The following SRPK2 variants were observed in gnomAD, a reference collection of about 807,000 sequenced individuals.
The protein encoded by SRPK2 is SRSF protein kinase 2, also known as SFRS protein kinase 2.
A neutral mutation model predicts 90.8 loss-of-function variants in SRPK2; 21 were observed. That is an observed-to-expected ratio of 0.23 (90% CI 0.16 to 0.33). SRPK2 has a LOEUF of 0.33. SRPK2 is among the 10% of genes least tolerant of loss of function. The pLI, the probability that SRPK2 is intolerant of heterozygous loss-of-function variation, is 1.00. For missense variants in SRPK2, 620 were observed against 869.0 expected (o/e 0.71, Z 3.60); for synonymous variants, 288 against 311.1 (o/e 0.93, Z 0.78).
At chr7:105,188,787 C>G (rs1025209169) in intron 3 of SRPK2, among the ~76,000 whole-genome samples, 4 of 152,180 alleles carry the variant, frequency 2.6e-5, no homozygotes, top group African/African-American at 9.7e-5. Flanking sequence ...AGATATTACT[C>G]GTAACAGGTT....
At chr7:105,152,633 C>T (rs917854044) in intron 7 of SRPK2, among the ~76,000 whole-genome samples, 5 of 152,252 alleles carry the variant, frequency 3.3e-5, no homozygotes, top group Non-Finnish European at 2.9e-5. Context: ...TGTTTCATCC[C>T]CATGGATAGA....
Position 105,117,577 on chromosome 7 carries a change from CAAG to C in SRPK2, c.*258_*260del, listed in dbSNP as rs1799751521. On this transcript the variant is annotated 3_prime_UTR_variant, in exon 16 of 16. Coordinates refer to ENST00000393651, the MANE Select transcript of SRPK2 (RefSeq NM_182692.3). ...AATGACATTTGAATGTCACACAACA[CAAG>C]AAACAATGCTTAGAGACATGTTATT... is the stretch of plus-strand genomic sequence containing the variant. 4.3e-6 allele frequency: 2 copies of C among 461,494 alleles called. No homozygotes were observed. Among genetic ancestry groups the C allele is most frequent in the Admixed American group, 8.2e-5 (2 of 24,244 alleles). 28.6% of individuals were successfully genotyped at this position (461,494 alleles called of 1,614,324 possible). A position where few individuals can be genotyped will look rare whatever the true frequency, so the allele number is the denominator to read the frequency against.
chr7:105,269,333 T>C (rs1805518201), intron 2 of SRPK2, among the ~76,000 whole-genome samples: 1 of 152,184 alleles, frequency 6.6e-6, no homozygotes, highest in South Asian at 2.1e-4. Context: ...TGAATCATTT[T>C]TGTCACTTAA....
chr7:105,181,325 T>G (rs1008136736), intron 3 of SRPK2, among the ~76,000 whole-genome samples: 3 of 152,196 alleles, frequency 2.0e-5, no homozygotes, highest in African/African-American at 7.2e-5. Flanking sequence ...TCAAGGAAAT[T>G]TAAACAGAGT....
intron 7 of SRPK2, among the ~76,000 whole-genome samples, chr7:105,151,792 G>C (rs2129579061): frequency 6.6e-6 from 1 of 152,256 alleles, no homozygotes; most frequent in Middle Eastern, 3.4e-3. Flanking sequence ...GGGAGGTCAA[G>C]GCAGGTGGAT....
At chr7:105,341,859 C>T (rs1274757645) in intron 2 of SRPK2, among the ~76,000 whole-genome samples, 1 of 152,036 alleles carries the variant, frequency 6.6e-6, no homozygotes. Flanking sequence ...CCCAGCTACT[C>T]GGAACGCTGA....
chr7:105,297,887 A>G (rs963917676), intron 2 of SRPK2, among the ~76,000 whole-genome samples: 1 of 152,026 alleles, frequency 6.6e-6, no homozygotes, highest in African/African-American at 2.4e-5. Flanking sequence ...AATTACAGGC[A>G]TGCGCCACTA....
intron 3 of SRPK2, among the ~76,000 whole-genome samples, chr7:105,194,999 C>A (rs758212491): frequency 6.6e-6 from 1 of 152,190 alleles, no homozygotes; most frequent in Non-Finnish European, 1.5e-5. Context: ...TCAGGCCTAC[C>A]ACATACTGCT....
chr7:105,360,342 A>C (rs1214974442), intron 2 of SRPK2, among the ~76,000 whole-genome samples: 1 of 152,176 alleles, frequency 6.6e-6, no homozygotes, highest in Non-Finnish European at 1.5e-5. Context: ...CCAATTTGCC[A>C]GTCTGTGTCT....
At position 105,240,326 on chromosome 7, in the gene SRPK2, G is replaced by T. The variant is rs1265864875; in HGVS notation, c.72-36541C>A. ...CACCTCCTAATACCATCACATTGGG[G>T]GTTAGGAATTCAATATATGAATTTT... On this transcript the variant is annotated intron_variant, in intron 2 of 15. Transcript: ENST00000393651. 8.7e-4 allele frequency among the ~76,000 whole-genome samples: 133 copies of T among 152,108 alleles called. 1 individual carries two copies. Among genetic ancestry groups the T allele is most frequent in the Admixed American group, 8.7e-3 (133 of 15,278 alleles).
chr7:105,345,143 G>A (rs927296359), intron 2 of SRPK2, among the ~76,000 whole-genome samples: 2 of 145,812 alleles, frequency 1.4e-5, no homozygotes, highest in African/African-American at 5.0e-5. Context: ...TCAAGGACAG[G>A]AGAGGAGGGG....
chr7:105,328,417 G>A (rs577709457), intron 2 of SRPK2, among the ~76,000 whole-genome samples: 1 of 151,560 alleles, frequency 6.6e-6, no homozygotes, highest in East Asian at 2.0e-4. Context: ...CAAAAAATTA[G>A]CCAGGTGTGG....
intron 9 of SRPK2, chr7:105,143,714 A>C (rs1445482452): frequency 4.9e-6 from 1 of 203,628 alleles, no homozygotes; most frequent in Non-Finnish European, 1.0e-5. Context: ...CCTCAATGCC[A>C]AAAATGAAAC....
chr7:105,356,767 CAAAATTTTCAAAACCTTGGGTT>C (rs910544609), intron 2 of SRPK2, among the ~76,000 whole-genome samples: 7 of 152,026 alleles, frequency 4.6e-5, no homozygotes, highest in Admixed American at 3.9e-4. Context: ...CAGTTATTTC[CAAAATTTTCAAAACCTTGGGTT>C]AAAAATGCAA....
intron 2 of SRPK2, among the ~76,000 whole-genome samples, chr7:105,233,016 G>C (rs1408028838): frequency 1.3e-5 from 2 of 151,262 alleles, no homozygotes; most frequent in South Asian, 2.1e-4. Flanking sequence ...AGGAGGGAGG[G>C]AAAGAAAGGA....
At chr7:105,158,868 C>G (rs749315834) in intron 7 of SRPK2, among the ~76,000 whole-genome samples, 1 of 149,028 alleles carries the variant, frequency 6.7e-6, no homozygotes, top group Non-Finnish European at 1.5e-5. Context: ...AAATAATACA[C>G]TAGTCTTATT....
intron 2 of SRPK2, among the ~76,000 whole-genome samples, chr7:105,229,024 T>C (rs1471233394): frequency 6.6e-6 from 1 of 152,040 alleles, no homozygotes; most frequent in Admixed American, 6.6e-5. Flanking sequence ...GGAATGAAAA[T>C]GGTACAAACA....
At chr7:105,120,443 G>C (rs548948338) in intron 15 of SRPK2, among the ~76,000 whole-genome samples, 1 of 152,214 alleles carries the variant, frequency 6.6e-6, no homozygotes, top group East Asian at 1.9e-4. Context: ...AATAGTGAAA[G>C]GCCATGAGAA....
intron 2 of SRPK2, among the ~76,000 whole-genome samples, chr7:105,205,517 T>TCTCTCTCACA (rs1491532268): frequency 4.2e-5 from 4 of 95,794 alleles, no homozygotes; most frequent in African/African-American, 1.4e-4. Context: ...TCTCTCTCTC[T>TCTCTCTCACA]CACACACACA....
Sources: allele counts gnomAD v4.1 joint callset (sites outside exome capture counted in the v4.1 genomes callset), GRCh38; gene constraint gnomAD v4.1.1; transcripts MANE v1.5; gene names NCBI Gene and HGNC (gene_info 2026-07-23, HGNC 2026-07-21).